MRS2: variants seen among roughly 807,000 people sequenced by gnomAD.
MRS2 encodes the protein magnesium transporter MRS2.
In MRS2, 40 loss-of-function variants were observed where a neutral mutation model predicts 52.6. That is an observed-to-expected ratio of 0.76 (90% CI 0.59 to 0.99). The LOEUF (loss-of-function observed/expected upper bound fraction) is 0.99, where lower values mean the gene tolerates loss of function less well. MRS2 is among the 50% of genes least tolerant of loss of function. The pLI is 0.00. For synonymous variants in MRS2, 193 were observed against 195.9 expected (o/e 0.98, Z 0.13); for missense variants, 472 against 532.7 (o/e 0.89, Z 1.12).
intron 10 of MRS2, 92 bp downstream of exon 10, chr6:24,423,142 C>CT (rs1762109404): frequency 2.0e-6 from 2 of 983,574 alleles, no homozygotes; most frequent in Admixed American, 2.4e-5. Flanking sequence ...GTCACAGGCA[C>CT]TATGGCCCTT....
intron 7 of MRS2, among the ~76,000 whole-genome samples, chr6:24,417,416 G>A (rs905967375): frequency 6.6e-6 from 1 of 152,124 alleles, no homozygotes; most frequent in Non-Finnish European, 1.5e-5. Context: ...TTTAGTTGTG[G>A]ATTTTGTTTT....
chr6:24,404,892 T>C (rs12055519), intron 1 of MRS2, among the ~76,000 whole-genome samples: 17,835 of 152,228 alleles, frequency 0.12, 1,765 homozygotes, highest in East Asian at 0.46. Context: ...CTCTGAGATA[T>C]CAGTAATAAT....
At chr6:24,415,189 G>A in intron 6 of MRS2, 26 bp downstream of exon 6, 1 of 1,499,532 alleles carries the variant, frequency 6.7e-7, no homozygotes, top group Non-Finnish European at 9.0e-7. Context: ...GTATCACATT[G>A]GGAGTTGGAG....
At position 24,403,247 on chromosome 6, in the gene MRS2, T is replaced by C. The variant is rs1378502102; in HGVS notation, c.190+11T>C. The C allele has an allele frequency of 6.3e-7, 1 of 1,585,988 alleles. No homozygotes were observed. The stretch of plus-strand genomic sequence containing the variant: ...GGCTCCGCGTGGCAGGTACTGCCCT[T>C]CCCCGGCAACAGCCTTGGGACGCTG... On this transcript the variant is annotated intron_variant, in intron 1 of 10. Coordinates refer to ENST00000378386, the MANE Select transcript of MRS2 (RefSeq NM_020662.4).
At position 24,425,468 on chromosome 6, in the gene MRS2, T is replaced by A. The variant is rs532895713; in HGVS notation, c.*1774T>A. Reference sequence around the variant, plus strand: ...AGGAAGTTGCTAGTGTTTTATAGAATTTCTGAAGGTGGTTAAATCAAGTAT... The same window carrying A: ...AGGAAGTTGCTAGTGTTTTATAGAAATTCTGAAGGTGGTTAAATCAAGTAT... On this transcript the variant is annotated 3_prime_UTR_variant, in exon 11 of 11. Transcript: ENST00000378386. 9 of 152,364 alleles carry A rather than the reference T, an allele frequency of 5.9e-5. No individual in the cohort carries two copies. The South Asian group carries it at 1.7e-3, about 28-fold the overall frequency. 9.4% of individuals were successfully genotyped at this position (152,364 alleles called of 1,614,324 possible). A position where few individuals can be genotyped will look rare whatever the true frequency, so the allele number is the denominator to read the frequency against.
intron 7 of MRS2, among the ~76,000 whole-genome samples, chr6:24,416,958 A>G (rs899099351): frequency 5.9e-5 from 9 of 152,208 alleles, no homozygotes; most frequent in African/African-American, 1.7e-4. Flanking sequence ...GAATTTAGAA[A>G]TTGTTTATGC....
At chr6:24,409,652 T>C in intron 4 of MRS2, 79 bp downstream of exon 4, 1 of 860,488 alleles carries the variant, frequency 1.2e-6, no homozygotes, top group Non-Finnish European at 1.8e-6. Flanking sequence ...GATTAGTATC[T>C]AGGTTAAAAG....
At chr6:24,416,255 CT>C (rs35657958) in intron 6 of MRS2, 141 bp from the exon 7 acceptor site, 48,787 of 387,636 alleles carry the variant, frequency 0.13, 204 homozygotes, top group East Asian at 0.24. Context: ...AAATACTCAA[CT>C]TTTTTTTTTT....
At chr6:24,414,730 C>T (rs1761785758) in intron 5 of MRS2, among the ~76,000 whole-genome samples, 3 of 152,172 alleles carry the variant, frequency 2.0e-5, no homozygotes, top group Admixed American at 1.3e-4. Flanking sequence ...GGCGGCCGGG[C>T]AGAGGTGCCC....
In MRS2 at chr6:24,405,208, C is replaced by A. The variant is rs375918779; in HGVS notation, c.231C>A (p.Ala77=). Residue 77 remains alanine, a synonymous_variant, in exon 2 of 11, where the codon GCC becomes GCA. Coordinates refer to ENST00000378386, the MANE Select transcript of MRS2 (RefSeq NM_020662.4). ...HRFRTSDVSQ[A]TLASVAPVFT... ...TTAGAACCTCTGACGTCTCTCAAGC[C>A]ACTTTAGCCAGTGTAGCCCCAGTAT... 6.8e-6 allele frequency: 11 copies of A among 1,613,924 alleles called. No homozygotes were observed. The highest frequency in any genetic ancestry group is 9.3e-6 in the Non-Finnish European group (11 of 1,179,818).
At chr6:24,418,612 G>GT in intron 9 of MRS2, 34 bp downstream of exon 9, 1 of 1,539,776 alleles carries the variant, frequency 6.5e-7, no homozygotes, top group East Asian at 2.3e-5. Context: ...AAACTTGGGG[G>GT]TTTTGGCCGG....
At chr6:24,406,200 TACAATA>T (rs1378198891) in intron 2 of MRS2, among the ~76,000 whole-genome samples, 1 of 152,102 alleles carries the variant, frequency 6.6e-6, no homozygotes, top group Non-Finnish European at 1.5e-5. Flanking sequence ...TTGGACAAGT[TACAATA>T]ACATCTTTGT....
At chr6:24,421,736 G>A (rs150135008) in intron 9 of MRS2, among the ~76,000 whole-genome samples, 11 of 152,262 alleles carry the variant, frequency 7.2e-5, no homozygotes, top group African/African-American at 2.6e-4. Context: ...CATAACCACA[G>A]TGCAGCTATC....
intron 2 of MRS2, among the ~76,000 whole-genome samples, chr6:24,405,789 C>CA (rs529617637): frequency 0.12 from 13,639 of 109,742 alleles, 1,222 homozygotes; most frequent in East Asian, 0.49. Flanking sequence ...TTTTTTTTTC[C>CA]AAAAAAAAAA....
At chr6:24,407,924 G>A (rs1483058935) in intron 2 of MRS2, among the ~76,000 whole-genome samples, 3 of 152,144 alleles carry the variant, frequency 2.0e-5, no homozygotes, top group South Asian at 2.1e-4. Flanking sequence ...CCCATGCCCC[G>A]TAGTGACAGT....
chr6:24,405,100 A>G, intron 1 of MRS2, 68 bp from the exon 2 acceptor site: 1 of 1,088,966 alleles, frequency 9.2e-7, no homozygotes, highest in South Asian at 1.3e-5. Context: ...ATACTTTGAG[A>G]GTTGTATTTT....
At chr6:24,408,315 ACAATACCATAAATTCTTAACTAAATTAG>A (rs1761541286) in intron 2 of MRS2, 65 bp from the exon 3 acceptor site, 3 of 813,566 alleles carry the variant, frequency 3.7e-6, no homozygotes, top group African/African-American at 1.7e-5. Flanking sequence ...GATATTACTT[ACAATACCATAAATTCTTAACTAAATTAG>A]CAATACCATA....
chr6:24,414,113 CT>C (rs978788700), intron 5 of MRS2, among the ~76,000 whole-genome samples: 1 of 150,516 alleles, frequency 6.6e-6, no homozygotes, highest in African/African-American at 2.4e-5. Flanking sequence ...TCCCTCATTA[CT>C]TCATAATGAA....
rs574132910 is a variant in MRS2, at chr6:24,425,841, A to T, written c.*2147A>T. The T allele has an allele frequency of 6.6e-6, 1 of 152,368 alleles. No individual in the cohort carries two copies. Among genetic ancestry groups the T allele is most frequent in the East Asian group, 1.9e-4 (1 of 5,192 alleles). The allele number at this position is 152,368 out of a possible 1,614,324, so 9.4% of individuals were successfully genotyped here. ...AAGCAGCACTAACCAATTTTATATT[A>T]AAAAGCTATTTATTTTGGTGAGTTA... On this transcript the variant is annotated 3_prime_UTR_variant, in exon 11 of 11. Transcript: ENST00000378386.
Sources: allele counts gnomAD v4.1 joint callset (sites outside exome capture counted in the v4.1 genomes callset), GRCh38; gene constraint gnomAD v4.1.1; transcripts MANE v1.5; gene names NCBI Gene and HGNC (gene_info 2026-07-23, HGNC 2026-07-21).